The following RFX3 variants were observed in gnomAD, a reference collection of about 807,000 sequenced individuals.
The protein encoded by RFX3 is regulatory factor X3.
A neutral mutation model predicts 98.6 loss-of-function variants in RFX3; 14 were observed. The observed-to-expected ratio is 0.14, with a 90% CI of 0.09 to 0.22. The LOEUF (loss-of-function observed/expected upper bound fraction) is 0.22, where lower values mean the gene tolerates loss of function less well. Among genes scored for constraint, RFX3 ranks in the 10% least tolerant of loss-of-function variants. The pLI, the probability that RFX3 is intolerant of heterozygous loss-of-function variation, is 1.00. For missense variants in RFX3, 639 were observed against 926.9 expected (o/e 0.69, Z 4.03); for synonymous variants, 383 against 328.4 (o/e 1.17, Z -1.80).
chr9:3,380,278 C>A (rs1438966809), intron 2 of RFX3, among the ~76,000 whole-genome samples: 1 of 152,166 alleles, frequency 6.6e-6, no homozygotes. Flanking sequence ...ACTGGTGGTA[C>A]CCTGAAGAAG....
intron 1 of RFX3, among the ~76,000 whole-genome samples, chr9:3,428,176 T>C (rs142763427): frequency 1.3e-3 from 197 of 152,284 alleles, no homozygotes; most frequent in African/African-American, 4.5e-3. Flanking sequence ...CATCAAGGTA[T>C]TACATCAAGG....
chr9:3,234,639 AAAAC>A lies in RFX3; in HGVS notation c.1969-5754_1969-5751del, dbSNP rs367555606. On this transcript the variant is annotated intron_variant, in intron 15 of 16. Coordinates refer to ENST00000617270, the MANE Select transcript of RFX3 (RefSeq NM_001282116.2). ...GGGTGACAGAGCAAGACCCAGTCTCAAAACAAACAAACAAACAAACAAAAAAACC... is the reference window on the plus strand; with the variant it reads ...GGGTGACAGAGCAAGACCCAGTCTCAAAACAAACAAACAAACAAAAAAACC... Among the ~76,000 whole-genome samples the A allele has an allele frequency of 2.6e-3, 393 of 152,182 alleles. 1 individual carries two copies. The highest frequency in any genetic ancestry group is 8.2e-3 in the African/African-American group (340 of 41,512).
At chr9:3,232,021 G>A (rs959492937) in intron 15 of RFX3, among the ~76,000 whole-genome samples, 14 of 149,732 alleles carry the variant, frequency 9.4e-5, no homozygotes, top group African/African-American at 3.2e-4. Context: ...CAACAGGAGC[G>A]AAACTCTGTC....
At chr9:3,467,182 G>A (rs527276147) in intron 1 of RFX3, among the ~76,000 whole-genome samples, 57 of 134,614 alleles carry the variant, frequency 4.2e-4, no homozygotes, top group Non-Finnish European at 8.3e-4. Flanking sequence ...ATGTATATAT[G>A]TATATACATA....
At chr9:3,478,451 G>T in intron 1 of RFX3, among the ~76,000 whole-genome samples, 1 of 144,330 alleles carries the variant, frequency 6.9e-6, no homozygotes, top group Non-Finnish European at 1.5e-5. Context: ...TTATTTGTAA[G>T]CCTGGCTTCC....
intron 13 of RFX3, among the ~76,000 whole-genome samples, chr9:3,258,773 T>A (rs1822473249): frequency 6.6e-6 from 1 of 151,806 alleles, no homozygotes; most frequent in African/African-American, 2.4e-5. Flanking sequence ...ACTTTTCACA[T>A]GCATATAGAA....
At chr9:3,413,338 C>T (rs1021881986) in intron 1 of RFX3, among the ~76,000 whole-genome samples, 12 of 152,134 alleles carry the variant, frequency 7.9e-5, no homozygotes, top group African/African-American at 2.6e-4. Flanking sequence ...ATAAACAATT[C>T]ATAATTTAGG....
At chr9:3,317,876 G>T in intron 4 of RFX3, among the ~76,000 whole-genome samples, 1 of 152,150 alleles carries the variant, frequency 6.6e-6, no homozygotes, top group East Asian at 1.9e-4. Context: ...GAAACAACAG[G>T]TGCTGGAGAG....
At chr9:3,362,541 T>C (rs751306979) in intron 2 of RFX3, among the ~76,000 whole-genome samples, 28 of 152,208 alleles carry the variant, frequency 1.8e-4, no homozygotes, top group Non-Finnish European at 4.1e-4. Context: ...CTGCTTCTTA[T>C]ACAGGGTTGC....
intron 16 of RFX3, among the ~76,000 whole-genome samples, chr9:3,226,456 C>A (rs1226920288): frequency 6.6e-6 from 1 of 152,094 alleles, no homozygotes; most frequent in Non-Finnish European, 1.5e-5. Flanking sequence ...CAGTGTACAG[C>A]CACCATGAGC....
intron 16 of RFX3, among the ~76,000 whole-genome samples, chr9:3,227,525 G>T (rs558558307): frequency 6.6e-6 from 1 of 152,314 alleles, no homozygotes; most frequent in African/African-American, 2.4e-5. Flanking sequence ...AAAATTAGGC[G>T]CTACAGGAGT....
At chr9:3,368,608 C>T (rs745341899) in intron 2 of RFX3, among the ~76,000 whole-genome samples, 3 of 152,110 alleles carry the variant, frequency 2.0e-5, no homozygotes, top group Admixed American at 1.3e-4. Context: ...TTGACATCTC[C>T]GTGGTTTTTG....
At chr9:3,263,515 T>C (rs1225891702) in intron 12 of RFX3, among the ~76,000 whole-genome samples, 1 of 152,148 alleles carries the variant, frequency 6.6e-6, no homozygotes. Flanking sequence ...TAAAAAGAGA[T>C]CTGGACATTC....
chr9:3,303,734 C>G (rs938893378), intron 4 of RFX3, among the ~76,000 whole-genome samples: 3 of 151,748 alleles, frequency 2.0e-5, no homozygotes, highest in Non-Finnish European at 4.4e-5. Context: ...CCCTAGAAGG[C>G]CAGGCTTTTA....
chr9:3,490,244 G>C (rs1043396250), intron 1 of RFX3: 2 of 754,566 alleles, frequency 2.7e-6, no homozygotes, highest in Non-Finnish European at 1.6e-6. Context: ...TGTACACACA[G>C]TTCATTATTT....
chr9:3,524,559 A>C, intron 1 of RFX3: 3 of 977,954 alleles, frequency 3.1e-6, no homozygotes, highest in Non-Finnish European at 3.6e-6. Context: ...AGGAGATTAA[A>C]AAAAAAAAAA....
chr9:3,255,494 A>G (rs556999601), intron 14 of RFX3, among the ~76,000 whole-genome samples: 1 of 152,232 alleles, frequency 6.6e-6, no homozygotes, highest in Non-Finnish European at 1.5e-5. Context: ...CAGAATCTAC[A>G]GTAGAGACTG....
chr9:3,484,333 T>C (rs1291134340), intron 1 of RFX3, among the ~76,000 whole-genome samples: 1 of 152,182 alleles, frequency 6.6e-6, no homozygotes, highest in Non-Finnish European at 1.5e-5. Flanking sequence ...TAAATACTAG[T>C]TATTGTTATG....
intron 7 of RFX3, among the ~76,000 whole-genome samples, chr9:3,279,647 T>C (rs1399239527): frequency 6.6e-6 from 1 of 151,836 alleles, no homozygotes; most frequent in East Asian, 1.9e-4. Flanking sequence ...ACTGTAAGTT[T>C]TCAAAAGACA....
Sources: gnomAD v4.1 joint callset for allele counts (sites outside exome capture counted in the v4.1 genomes callset) on GRCh38, gnomAD v4.1.1 for gene constraint, MANE v1.5 for transcripts, NCBI Gene and HGNC (gene_info 2026-07-23, HGNC 2026-07-21) for gene names.